Variants in PPARGC1A observed in about 807,000 individuals in gnomAD.
The protein encoded by PPARGC1A is PPARG coactivator 1 alpha, also known as peroxisome proliferator-activated receptor gamma coactivator 1-alpha.
Under a neutral mutation model 88.7 loss-of-function variants are expected in PPARGC1A, and 25 were observed. That is an observed-to-expected ratio of 0.28 (90% CI 0.21 to 0.39). PPARGC1A has a LOEUF of 0.39. Ranked by LOEUF, PPARGC1A falls within the 10% of genes least tolerant of loss-of-function variation. The pLI, the probability that PPARGC1A is intolerant of heterozygous loss-of-function variation, is 1.00. For synonymous variants in PPARGC1A, 363 were observed against 355.6 expected, an observed-to-expected ratio of 1.02 and a Z score of -0.24; for missense variants, 880 against 968.7, an observed-to-expected ratio of 0.91 and a Z score of 1.22.
the PPARGC1A span, among the ~76,000 whole-genome samples, chr4:24,083,086 A>G: frequency 2.6e-5 from 4 of 152,160 alleles, no homozygotes; most frequent in African/African-American, 7.2e-5. Flanking sequence ...ATATATGGCC[A>G]CTTGATTTGA....
At chr4:24,072,794 A>G in the PPARGC1A span, among the ~76,000 whole-genome samples, 1 of 152,212 alleles carries the variant, frequency 6.6e-6, no homozygotes, top group Non-Finnish European at 1.5e-5. Context: ...AGTTGCAACC[A>G]GCTAATATAA....
the PPARGC1A span, among the ~76,000 whole-genome samples, chr4:23,942,941 A>G: frequency 1.3e-5 from 2 of 152,208 alleles, no homozygotes; most frequent in Middle Eastern, 3.2e-3. Context: ...GACACAGTCT[A>G]AGAAGGTGTT....
At chr4:24,086,293 G>A in the PPARGC1A span, among the ~76,000 whole-genome samples, 162 of 152,246 alleles carry the variant, frequency 1.1e-3, no homozygotes, top group African/African-American at 3.6e-3. Context: ...GCTTGGCTCT[G>A]CAAGGTTTTT....
the PPARGC1A span, among the ~76,000 whole-genome samples, chr4:23,931,546 AC>A: frequency 3.9e-5 from 6 of 152,246 alleles, no homozygotes; most frequent in Admixed American, 3.9e-4. Context: ...AAGGAAGGTG[AC>A]CCATTCACTC....
At chr4:24,276,936 C>T in the PPARGC1A span, among the ~76,000 whole-genome samples, 36 of 152,182 alleles carry the variant, frequency 2.4e-4, no homozygotes, top group Non-Finnish European at 1.0e-4. Context: ...TATCAAGCGT[C>T]AGGCACCTCA....
the PPARGC1A span, among the ~76,000 whole-genome samples, chr4:24,465,590 C>T: frequency 2.0e-5 from 3 of 152,266 alleles, no homozygotes; most frequent in African/African-American, 7.2e-5. Flanking sequence ...ATTCTCATTC[C>T]AATGCAAGCC....
At chr4:24,228,484 G>T in the PPARGC1A span, among the ~76,000 whole-genome samples, 12 of 152,106 alleles carry the variant, frequency 7.9e-5, no homozygotes, top group African/African-American at 2.9e-4. Context: ...GGACACTGAG[G>T]ACTATCAGGG....
At position 23,797,266 on chromosome 4, in the gene PPARGC1A, C is replaced by T. The variant is rs184803697; in HGVS notation, c.2294-1341G>A. On this transcript the variant is annotated intron_variant, in intron 12 of 12. Coordinates refer to ENST00000264867, the MANE Select transcript of PPARGC1A (RefSeq NM_013261.5). Reference sequence around the variant, plus strand: ...AATTCTTAAATTACACTGGCTTCAACGCTTCTCTTCATAGGCTAATGAATG... The same window carrying T: ...AATTCTTAAATTACACTGGCTTCAATGCTTCTCTTCATAGGCTAATGAATG... Among the ~76,000 whole-genome samples, 6 of 152,206 alleles carry T rather than the reference C, an allele frequency of 3.9e-5. No homozygotes were observed. In the East Asian group the frequency reaches 9.7e-4, roughly 25 times the overall value.
chr4:23,844,917 TAGCATTTGG>T (rs2148634200), intron 2 of PPARGC1A, among the ~76,000 whole-genome samples: 1 of 141,830 alleles, frequency 7.1e-6, no homozygotes, highest in East Asian at 2.0e-4. Flanking sequence ...AAAAAAGAGG[TAGCATTTGG>T]AGCAGCAAAG....
chr4:23,834,667 A>T (rs1225048341), intron 2 of PPARGC1A, among the ~76,000 whole-genome samples: 2 of 152,138 alleles, frequency 1.3e-5, no homozygotes, highest in Non-Finnish European at 2.9e-5. Context: ...TAGATTCTTC[A>T]ATCTACCTTC....
the PPARGC1A span, among the ~76,000 whole-genome samples, chr4:24,298,838 C>T: frequency 1.3e-5 from 2 of 152,160 alleles, no homozygotes; most frequent in African/African-American, 4.8e-5. Context: ...ATCTGTCGTA[C>T]AAATTTACTC....
chr4:24,314,046 G>T, the PPARGC1A span, among the ~76,000 whole-genome samples: 3 of 152,158 alleles, frequency 2.0e-5, no homozygotes, highest in Non-Finnish European at 4.4e-5. Flanking sequence ...ATGAAAAACT[G>T]CATGTGAAAA....
At chr4:23,874,387 G>A (rs1404260756) in intron 2 of PPARGC1A, among the ~76,000 whole-genome samples, 1 of 152,174 alleles carries the variant, frequency 6.6e-6, no homozygotes, top group South Asian at 2.1e-4. Context: ...CTATGTGAAA[G>A]CAGGCTATTA....
the PPARGC1A span, among the ~76,000 whole-genome samples, chr4:23,966,880 G>A: frequency 4.6e-5 from 7 of 152,152 alleles, no homozygotes; most frequent in African/African-American, 1.4e-4. Flanking sequence ...TCTGGGAATG[G>A]AGAGAGCCAG....
At chr4:24,163,166 A>G in the PPARGC1A span, among the ~76,000 whole-genome samples, 1 of 149,478 alleles carries the variant, frequency 6.7e-6, no homozygotes, top group African/African-American at 2.5e-5. Context: ...TGTGATCAAC[A>G]GCAATGCCAT....
At chr4:24,268,709 C>G in the PPARGC1A span, among the ~76,000 whole-genome samples, 3 of 152,136 alleles carry the variant, frequency 2.0e-5, no homozygotes, top group African/African-American at 7.2e-5. Context: ...CACTATTTGT[C>G]AAGATGCAAA....
At chr4:24,026,668 C>G in the PPARGC1A span, among the ~76,000 whole-genome samples, 6 of 152,306 alleles carry the variant, frequency 3.9e-5, no homozygotes, top group Non-Finnish European at 8.8e-5. Flanking sequence ...TTTTTAGACA[C>G]ACGCCTCCAC....
chr4:24,220,015 TAAAC>T, the PPARGC1A span, among the ~76,000 whole-genome samples: 1 of 151,874 alleles, frequency 6.6e-6, no homozygotes, highest in Non-Finnish European at 1.5e-5. Flanking sequence ...ATAAGGAACT[TAAAC>T]AAATCAGCAA....
At chr4:24,345,257 C>A in the PPARGC1A span, among the ~76,000 whole-genome samples, 1 of 134,726 alleles carries the variant, frequency 7.4e-6, no homozygotes, top group African/African-American at 3.0e-5. Flanking sequence ...TGGTTCCATA[C>A]GAATTTTAGA....
Sources: allele counts gnomAD v4.1 joint callset (sites outside exome capture counted in the v4.1 genomes callset), GRCh38; gene constraint gnomAD v4.1.1; transcripts MANE v1.5; gene names NCBI Gene and HGNC (gene_info 2026-07-23, HGNC 2026-07-21).